NBEAL1: variants seen among roughly 807,000 people sequenced by gnomAD.
NBEAL1 encodes neurobeachin-like protein 1.
In NBEAL1, 273 loss-of-function variants were observed where a neutral mutation model predicts 351.3. The ratio of observed to expected loss-of-function variants is 0.78; its 90% CI spans 0.70 to 0.86. The LOEUF is 0.86. NBEAL1 is among the 40% of genes least tolerant of loss of function. The probability of loss-of-function intolerance (pLI) is 0.00; values close to 1 mark genes in which losing one functional copy is unlikely to be tolerated. For synonymous variants in NBEAL1, 1,050 were observed against 1,086.4 expected (o/e 0.97, Z 0.66); for missense variants, 2,961 against 3,201.3 (o/e 0.92, Z 1.81).
chr2:203,138,449 G>C, intron 30 of NBEAL1, 134 bp downstream of exon 30: 1 of 1,039,832 alleles, frequency 9.6e-7, no homozygotes, highest in East Asian at 2.6e-5. Flanking sequence ...GTGATGAATA[G>C]TCACAGATTT....
At chr2:203,032,385 C>T (rs558554805) in intron 2 of NBEAL1, among the ~76,000 whole-genome samples, 3 of 152,154 alleles carry the variant, frequency 2.0e-5, no homozygotes, top group Non-Finnish European at 4.4e-5. Flanking sequence ...CAGCTGGGCA[C>T]GGTGGCTCAC....
intron 6 of NBEAL1, chr2:203,061,951 G>A (rs2061506607): frequency 7.2e-6 from 2 of 278,524 alleles, no homozygotes; most frequent in African/African-American, 4.7e-5. Context: ...ACCTGTGAGA[G>A]AATTAAAGGC....
intron 1 of NBEAL1, among the ~76,000 whole-genome samples, chr2:203,015,206 A>C (rs1224132273): frequency 6.6e-6 from 1 of 152,140 alleles, no homozygotes; most frequent in African/African-American, 2.4e-5. Context: ...GCAGCTCGGC[A>C]CACCTTAAGT....
At chr2:203,050,256 T>G (rs1407213319) in intron 4 of NBEAL1, 1 of 199,098 alleles carries the variant, frequency 5.0e-6, no homozygotes, top group Non-Finnish European at 1.0e-5. Flanking sequence ...AAAGAAAAAA[T>G]AAGCTAATTA....
In NBEAL1 at chr2:203,059,715, G is replaced by A. The variant is rs142125651; in HGVS notation, c.515+2262G>A. Among the ~76,000 whole-genome samples the A allele has an allele frequency of 4.7e-3, 712 of 152,306 alleles. 5 individuals carry two copies. Among genetic ancestry groups the A allele is most frequent in the African/African-American group, 0.016 (676 of 41,568 alleles). The stretch of plus-strand genomic sequence containing the variant: ...ATCTCTGCTTATGCCCTGCTTATGA[G>A]TCTTTAAAGATACAAAGAGGGAGCC... On this transcript the variant is annotated intron_variant, in intron 6 of 55. Transcript: ENST00000683969.
chr2:203,084,322 G>A, intron 9 of NBEAL1, 141 bp from the exon 10 acceptor site: 1 of 432,634 alleles, frequency 2.3e-6, no homozygotes. Context: ...GCTTTTATGT[G>A]CTTTTGTGTG....
At chr2:203,018,022 C>T (rs144625500) in intron 2 of NBEAL1, among the ~76,000 whole-genome samples, 2 of 151,604 alleles carry the variant, frequency 1.3e-5, no homozygotes, top group South Asian at 2.1e-4. Context: ...TATTTAAAAC[C>T]GTGATTTTAT....
Position 203,136,645 on chromosome 2 carries a change from A to G in NBEAL1, c.4436A>G (p.Tyr1479Cys), listed in dbSNP as rs760981461. The G allele has an allele frequency of 6.2e-7, 1 of 1,613,016 alleles. No individual in the cohort carries two copies. The highest frequency in any genetic ancestry group is 2.2e-5 in the East Asian group (1 of 44,810). ...LLQLLTHILN[Y>C]VMCKGLEKSD... ...CAATTACTGACACATATTTTGAATT[A>G]TGTAATGTGTAAGGGACTAGAAAAG... Residue 1479 changes from tyrosine to cysteine, a missense_variant, in exon 29 of 56, where the codon TAT (tyrosine) becomes TGT (cysteine). Tyr to Cys is a radical substitution (Grantham distance 194, BLOSUM62 -2). Transcript: ENST00000683969.
Position 203,151,562 on chromosome 2 carries a change from G to T in NBEAL1, c.5560G>T (p.Glu1854Ter). The T allele has an allele frequency of 6.2e-7, 1 of 1,608,942 alleles. No homozygotes were observed. Among genetic ancestry groups the T allele is most frequent in the Non-Finnish European group, 8.5e-7 (1 of 1,178,096 alleles). ...VPNYNFKTHE[E>*]ASALRDNLGI... is the part of the protein sequence containing the mutation. ...GAATTATAATTTCAAAACCCATGAG[G>T]AAGCTAGTGCCTTGAGAGATAATCT... Residue 1854 changes from glutamate (E) to a stop codon, truncating the protein, a stop_gained, in exon 35 of 56, where the codon GAA becomes TAA. Coordinates refer to ENST00000683969, the MANE Select transcript of NBEAL1 (RefSeq NM_001378026.1). LOFTEE classifies it high-confidence loss of function.
intron 44 of NBEAL1, among the ~76,000 whole-genome samples, chr2:203,187,830 G>T (rs575885199): frequency 6.6e-6 from 1 of 152,146 alleles, no homozygotes; most frequent in South Asian, 2.1e-4. Context: ...AAGCCAAATG[G>T]CACTTTAAAA....
intron 10 of NBEAL1, among the ~76,000 whole-genome samples, chr2:203,091,367 T>C (rs1430559709): frequency 2.0e-5 from 3 of 152,248 alleles, no homozygotes; most frequent in Non-Finnish European, 4.4e-5. Context: ...TACCACATTT[T>C]GCTTATTCAT....
At chr2:203,210,914 C>T in intron 53 of NBEAL1, 44 bp from the exon 54 acceptor site, 3 of 1,259,536 alleles carry the variant, frequency 2.4e-6, no homozygotes, top group Non-Finnish European at 3.3e-6. Flanking sequence ...TATAAAAACT[C>T]AGTTTTTATT....
In NBEAL1 at chr2:203,168,446, G is replaced by A. The variant is rs533759965; in HGVS notation, c.5997+1086G>A. 2.6e-3 allele frequency among the ~76,000 whole-genome samples: 391 copies of A among 152,206 alleles called. 3 individuals carry two copies. Among genetic ancestry groups the A allele is most frequent in the African/African-American group, 8.1e-3 (336 of 41,538 alleles). ...ACTAATACAAAAACTAGCTGGTCGT[G>A]GTGGCACATGCCTGTAATCCCAGCT... On this transcript the variant is annotated intron_variant, in intron 38 of 55. Transcript: ENST00000683969.
At position 203,113,112 on chromosome 2, in the gene NBEAL1, C is replaced by A. The variant is rs1408600260; in HGVS notation, c.2300C>A (p.Pro767His). The change falls in exon 17 of 56, where the codon CCT becomes CAT. Residue 767 changes from proline to histidine, a missense_variant. By Grantham distance (77) the Pro-to-His change is moderately conservative. Coordinates refer to ENST00000683969, the MANE Select transcript of NBEAL1 (RefSeq NM_001378026.1). ...PDPPFSSPIT[P>H]HRTSFGGILS... ...CCACCTTTCTCTTCTCCCATTACCCCTCATCGGACATCATTTGGTGGAATT... is the reference window on the plus strand; with the variant it reads ...CCACCTTTCTCTTCTCCCATTACCCATCATCGGACATCATTTGGTGGAATT... The A allele has an allele frequency of 6.4e-7, 1 of 1,553,070 alleles. No homozygotes were observed. Among genetic ancestry groups the A allele is most frequent in the Non-Finnish European group, 8.7e-7 (1 of 1,147,294 alleles).
intron 7 of NBEAL1, among the ~76,000 whole-genome samples, chr2:203,071,243 C>T (rs2061677245): frequency 6.6e-6 from 1 of 152,024 alleles, no homozygotes. Flanking sequence ...TCTCACAGTT[C>T]TGGAGTCTGG....
chr2:203,090,195 T>G (rs754444052), intron 10 of NBEAL1, among the ~76,000 whole-genome samples: 5 of 152,206 alleles, frequency 3.3e-5, no homozygotes, highest in Non-Finnish European at 7.3e-5. Context: ...TAGGATGTCT[T>G]TAAAAAAAAC....
chr2:203,201,492 C>T, intron 49 of NBEAL1, 51 bp from the exon 50 acceptor site: 1 of 1,351,350 alleles, frequency 7.4e-7, no homozygotes, highest in Non-Finnish European at 9.8e-7. Flanking sequence ...TAGTTCACAT[C>T]AGTATACGTG....
At chr2:203,043,838 A>G (rs2061184348) in intron 3 of NBEAL1, among the ~76,000 whole-genome samples, 1 of 152,094 alleles carries the variant, frequency 6.6e-6, no homozygotes, top group Admixed American at 6.6e-5. Flanking sequence ...AAGTGTTTGC[A>G]TTTTGGGGAT....
intron 10 of NBEAL1, among the ~76,000 whole-genome samples, chr2:203,088,412 AC>A (rs2062007258): frequency 6.6e-6 from 1 of 151,914 alleles, no homozygotes; most frequent in African/African-American, 2.4e-5. Context: ...TATCAAATAA[AC>A]CCCTCAGTGA....
Sources: gnomAD v4.1 joint callset for allele counts (sites outside exome capture counted in the v4.1 genomes callset) on GRCh38, gnomAD v4.1.1 for gene constraint, MANE v1.5 for transcripts, NCBI Gene and HGNC (gene_info 2026-07-23, HGNC 2026-07-21) for gene names.